GFI1: variants seen among roughly 807,000 people sequenced by gnomAD.
The protein encoded by GFI1 is zinc finger protein Gfi-1.
Under a neutral mutation model 39.2 loss-of-function variants are expected in GFI1, and 15 were observed. That is an observed-to-expected ratio of 0.38 (90% CI 0.26 to 0.59). The LOEUF (loss-of-function observed/expected upper bound fraction) is 0.59. GFI1 is among the 20% of genes least tolerant of loss of function. The pLI, the probability that GFI1 is intolerant of heterozygous loss-of-function variation, is 0.62. For synonymous variants in GFI1, 239 were observed against 254.3 expected, an observed-to-expected ratio of 0.94 and a Z score of 0.57; for missense variants, 475 against 574.0, an observed-to-expected ratio of 0.83 and a Z score of 1.76.
intron 1 of GFI1, 114 bp from the exon 2 acceptor site, chr1:92,483,700 G>A: frequency 1.6e-6 from 1 of 608,650 alleles, no homozygotes; most frequent in Non-Finnish European, 3.0e-6. Context: ...AGGGCCCACG[G>A]GAGGAGGGGC....
Position 92,482,888 on chromosome 1 carries a change from G to C in GFI1, c.274C>G (p.Pro92Ala), listed in dbSNP as rs1369543741. 1 of 1,614,020 alleles carries C rather than the reference G, an allele frequency of 6.2e-7. No homozygotes were observed. The highest frequency in any genetic ancestry group is 1.3e-5 in the African/African-American group (1 of 75,060). Residue 92 changes from proline to alanine, a missense_variant, in exon 3 of 7, where the codon CCC (proline) becomes GCC (alanine). By Grantham distance (27) the Pro-to-Ala change is conservative. Around this residue, in one of 4 missense-constraint regions of GFI1, gnomAD observed 275 missense variants for 275.8 expected, o/e 1.00. Coordinates refer to ENST00000294702, the MANE Select transcript of GFI1 (RefSeq NM_005263.5). This position sits in a 1 kb window ranked among gnomAD's most constrained non-coding sequence, Gnocchi z 4.4. ...CCTGGAGACGCGGAGGGTGACGGGG[G>C]CCTCCAGAAGTCCTCAAACTCCGAG... ...RSSEFEDFWR[P>A]PSPSASPASE... is the part of the protein sequence containing the mutation.
At position 92,475,741 on chromosome 1, in the gene GFI1, C is replaced by G; in HGVS notation, c.*288G>C. Reference sequence around the variant, plus strand: ...TGGGGTCTAAGATTTATTCTGGTCCCCATTTGACTTTGCCTTTGTCTTCAG... The same window carrying G: ...TGGGGTCTAAGATTTATTCTGGTCCGCATTTGACTTTGCCTTTGTCTTCAG... On this transcript the variant is annotated 3_prime_UTR_variant, in exon 7 of 7. Transcript: ENST00000294702. 1 of 464,782 alleles carries G rather than the reference C, an allele frequency of 2.2e-6. No homozygotes were observed. The highest frequency in any genetic ancestry group is 4.0e-6 in the Non-Finnish European group (1 of 251,044). The allele number at this position is 464,782 out of a possible 1,614,324, so 28.8% of individuals were successfully genotyped here. A position where few individuals can be genotyped will look rare whatever the true frequency, so the allele number is the denominator to read the frequency against.
chr1:92,479,215 C>T (rs1658107267), intron 5 of GFI1, among the ~76,000 whole-genome samples: 1 of 152,144 alleles, frequency 6.6e-6, no homozygotes, highest in Non-Finnish European at 1.5e-5. Flanking sequence ...CCTTCCACAC[C>T]CCATGGCAAA....
intron 6 of GFI1, among the ~76,000 whole-genome samples, chr1:92,477,128 T>C (rs1658015261): frequency 6.6e-6 from 1 of 152,252 alleles, no homozygotes; most frequent in Non-Finnish European, 1.5e-5. Context: ...TCCTCCTTGC[T>C]AAAAACTCTT....
Position 92,475,809 on chromosome 1 carries a change from T to G in GFI1, c.*220A>C. On this transcript the variant is annotated 3_prime_UTR_variant, in exon 7 of 7. Coordinates refer to ENST00000294702, the MANE Select transcript of GFI1 (RefSeq NM_005263.5). ...TGTGTCCGAAGCCTAGAGAGTCACT[T>G]GGTTCTCACTCTCGGCTGCACTTTG... 1 of 586,838 alleles carries G rather than the reference T, an allele frequency of 1.7e-6. No individual in the cohort carries two copies. Among genetic ancestry groups the G allele is most frequent in the Non-Finnish European group, 3.1e-6 (1 of 327,366 alleles). The allele number at this position is 586,838 out of a possible 1,614,324, so 36.4% of individuals were successfully genotyped here. A position where few individuals can be genotyped will look rare whatever the true frequency, so the allele number is the denominator to read the frequency against.
At position 92,480,508 on chromosome 1, in the gene GFI1, G is replaced by C. The variant is rs1282943395; in HGVS notation, c.787-23C>G. ...CACCTAAGGCGGGTGGGGCCAGAGA[G>C]AAGGCCGCTGAGAGGGGCCGCGGGG... On this transcript the variant is annotated intron_variant, in intron 4 of 6. Coordinates refer to ENST00000294702, the MANE Select transcript of GFI1 (RefSeq NM_005263.5). This position sits in a 1 kb window ranked among gnomAD's most constrained non-coding sequence, Gnocchi z 5.6. 2 of 1,548,708 alleles carry C rather than the reference G, an allele frequency of 1.3e-6. No homozygotes were observed. The highest frequency in any genetic ancestry group is 8.7e-7 in the Non-Finnish European group (1 of 1,146,062).
intron 6 of GFI1, 46 bp downstream of exon 6, chr1:92,478,542 T>C: frequency 6.5e-7 from 1 of 1,530,808 alleles, no homozygotes; most frequent in East Asian, 2.2e-5. Flanking sequence ...ATGAGTAATG[T>C]TGGCCTCAGG....
At chr1:92,479,804 G>A (rs1206507809) in intron 5 of GFI1, among the ~76,000 whole-genome samples, 1 of 152,138 alleles carries the variant, frequency 6.6e-6, no homozygotes, top group East Asian at 1.9e-4. Context: ...AGTGAGCTGA[G>A]ATTGTGCAAC....
rs770482394 is a variant in GFI1 at position 92,481,822 on chromosome 1, GCCA to G, written c.299-737_299-735del. Among the ~76,000 whole-genome samples the G allele has an allele frequency of 2.0e-5, 3 of 152,166 alleles. No individual in the cohort carries two copies. The highest frequency in any genetic ancestry group is 1.3e-4 in the Admixed American group (2 of 15,288). ...GAATAACTATAACTCATAAGGTTTA[GCCA>G]CCACCTGCAAGGAGACAGCTCTGAA... On this transcript the variant is annotated intron_variant, in intron 3 of 6. Coordinates refer to ENST00000294702, the MANE Select transcript of GFI1 (RefSeq NM_005263.5). This position sits in a 1 kb window ranked among gnomAD's most constrained non-coding sequence, Gnocchi z 4.3.
At position 92,480,965 on chromosome 1, in the gene GFI1, G is replaced by T. The variant is rs1212636258; in HGVS notation, c.422C>A (p.Pro141Gln). The T allele has an allele frequency of 6.3e-7, 1 of 1,597,526 alleles. No individual in the cohort carries two copies. Among genetic ancestry groups the T allele is most frequent in the African/African-American group, 1.3e-5 (1 of 74,678 alleles). Residue 141 changes from proline (P) to glutamine (Q), a missense_variant, in exon 4 of 7, where the codon CCG (proline) becomes CAG (glutamine). By Grantham distance (76) the Pro-to-Gln change is moderately conservative. This residue lies in a region of GFI1 where 275 missense variants were observed against 275.8 expected (regional missense o/e 1.00). Coordinates refer to ENST00000294702, the MANE Select transcript of GFI1 (RefSeq NM_005263.5). This position sits in a 1 kb window ranked among gnomAD's most constrained non-coding sequence, Gnocchi z 5.6. ...AGCGCCACGCTCCAGGGCCCCACAC[G>T]GTCGGTAGCTCTGCACCAGGTGCCG... ...DLRHLVQSYRPCGALERGAGL... is the reference protein window; with the variant it reads ...DLRHLVQSYRQCGALERGAGL...
rs986021186 is a variant in GFI1 at position 92,473,079 on chromosome 1, C to T, written c.*2950G>A. 2.0e-5 allele frequency among the ~76,000 whole-genome samples: 3 copies of T among 149,996 alleles called. No homozygotes were observed. Among genetic ancestry groups the T allele is most frequent in the Admixed American group, 6.7e-5 (1 of 14,936 alleles). On this transcript the variant is annotated 3_prime_UTR_variant, in exon 7 of 7. Transcript: ENST00000294702. The stretch of plus-strand genomic sequence containing the variant: ...TATTTTTAATGGAGTCAAGTAATAA[C>T]ATTAAGAGAGATATTTGCAATCTTC...
chr1:92,476,816 T>G (rs903450557), intron 6 of GFI1, among the ~76,000 whole-genome samples: 1 of 152,172 alleles, frequency 6.6e-6, no homozygotes, highest in African/African-American at 2.4e-5. Flanking sequence ...GCAGGATACG[T>G]TTTTCAATAT....
chr1:92,486,488 G>C (rs1464708776), intron 1 of GFI1, among the ~76,000 whole-genome samples: 1 of 151,440 alleles, frequency 6.6e-6, no homozygotes, highest in Non-Finnish European at 1.5e-5. Context: ...GCCCCGCTCC[G>C]AGGACCCTCC....
At position 92,473,473 on chromosome 1, in the gene GFI1, G is replaced by T. The variant is rs574317815; in HGVS notation, c.*2556C>A. Among the ~76,000 whole-genome samples the T allele has an allele frequency of 1.9e-4, 29 of 152,160 alleles. No homozygotes were observed. The highest frequency in any genetic ancestry group is 3.4e-4 in the Non-Finnish European group (23 of 68,028). On this transcript the variant is annotated 3_prime_UTR_variant, in exon 7 of 7. Transcript: ENST00000294702. ...CCAGGACACTAGGAAGTGGTTCCTG[G>T]ACGCTGCAACTGTTCATCATCCATC... is the stretch of plus-strand genomic sequence containing the variant.
At position 92,480,618 on chromosome 1, in the gene GFI1, A is replaced by T. The variant is rs779205666; in HGVS notation, c.769T>A (p.Cys257Ser). 8 of 1,567,308 alleles carry T rather than the reference A, an allele frequency of 5.1e-6. No individual in the cohort carries two copies. The change falls in exon 4 of 7, where the codon TGC becomes AGC. Residue 257 changes from cysteine (C) to serine (S), a missense_variant. By Grantham distance (112) the Cys-to-Ser change is moderately radical. This residue lies in a region of GFI1 where 79 missense variants were observed against 68.4 expected (regional missense o/e 1.15). Transcript: ENST00000294702. This position sits in a 1 kb window ranked among gnomAD's most constrained non-coding sequence, Gnocchi z 5.6. ...AGCCTCACCTTGCTGCACTTGATGC[A>T]CTTGTAGGAGCCGCCGCCCAGCAGC... Reference protein sequence around the residue: ...RLLLGGGSYKCIKCSKVFSTP... With the variant: ...RLLLGGGSYKSIKCSKVFSTP...
In GFI1 at chr1:92,481,012, G is replaced by A. The variant is rs754401447; in HGVS notation, c.375C>T (p.Ser125=). 6.2e-7 allele frequency: 1 copy of A among 1,611,290 alleles called. No individual in the cohort carries two copies. Among genetic ancestry groups the A allele is most frequent in the South Asian group, 1.1e-5 (1 of 90,818 alleles). ...FPLPFKPYSW[S]GLAGSDLRHL... is the part of the protein sequence containing the mutation. ...GCCGCAGGTCAGAACCCGCCAGGCC[G>A]CTCCATGAGTACGGTTTGAAAGGCA... The change falls in exon 4 of 7, where the codon AGC becomes AGT. Residue 125 remains serine (S), a synonymous_variant. Coordinates refer to ENST00000294702, the MANE Select transcript of GFI1 (RefSeq NM_005263.5). The surrounding 1 kb of genome is among the most constrained non-coding windows in gnomAD (Gnocchi z 4.3).
chr1:92,481,163 CGTGGCGT>C lies in GFI1; in HGVS notation c.299-82_299-76del. 7.5e-7 allele frequency: 1 copy of C among 1,333,138 alleles called. No homozygotes were observed. 82.6% of individuals were successfully genotyped at this position (1,333,138 alleles called of 1,614,324 possible). The stretch of plus-strand genomic sequence containing the variant: ...GAGGCCGCCGGGCTGCGGCTGCGAG[CGTGGCGT>C]GTTCGCGGACTGCGGGGCACCCAGC... On this transcript the variant is annotated intron_variant, in intron 3 of 6. Transcript: ENST00000294702. This position sits in a 1 kb window ranked among gnomAD's most constrained non-coding sequence, Gnocchi z 4.3.
Position 92,481,150 on chromosome 1 carries a change from C to G in GFI1, c.299-62G>C. 1.4e-6 allele frequency: 2 copies of G among 1,436,080 alleles called. No individual in the cohort carries two copies. Among genetic ancestry groups the G allele is most frequent in the Non-Finnish European group, 1.9e-6 (2 of 1,035,622 alleles). The allele number at this position is 1,436,080 out of a possible 1,614,324, so 89.0% of individuals were successfully genotyped here. On this transcript the variant is annotated intron_variant, in intron 3 of 6. Transcript: ENST00000294702. This position sits in a 1 kb window ranked among gnomAD's most constrained non-coding sequence, Gnocchi z 4.3. ...AGACGGCAGAGCGGAGGCCGCCGGG[C>G]TGCGGCTGCGAGCGTGGCGTGTTCG... is the stretch of plus-strand genomic sequence containing the variant.
intron 2 of GFI1, 58 bp downstream of exon 2, chr1:92,483,315 C>A (rs912070040): frequency 7.3e-6 from 7 of 953,736 alleles, no homozygotes; most frequent in African/African-American, 1.6e-5. Context: ...TAATGGTGTG[C>A]CGAGGTGCAG....
Sources: allele counts gnomAD v4.1 joint callset (sites outside exome capture counted in the v4.1 genomes callset), GRCh38; gene constraint gnomAD v4.1.1; regional missense constraint gnomAD v4.1.1; non-coding constraint Gnocchi (gnomAD v3.1); transcripts MANE v1.5; gene names NCBI Gene and HGNC (gene_info 2026-07-23, HGNC 2026-07-21).